The following TK2 variants were observed in gnomAD, a reference collection of about 807,000 sequenced individuals.
TK2 encodes the protein thymidine kinase 2, mitochondrial.
Under a neutral mutation model 41.9 loss-of-function variants are expected in TK2, and 35 were observed. The ratio of observed to expected loss-of-function variants is 0.84; its 90% confidence interval spans 0.64 to 1.11. The LOEUF (loss-of-function observed/expected upper bound fraction) is 1.11. Ranked by LOEUF, TK2 falls within the 50% of genes least tolerant of loss-of-function variation. TK2 has a pLI of 0.00. For missense variants in TK2, 320 were observed against 351.1 expected, an observed-to-expected ratio of 0.91 and a Z score of 0.71; for synonymous variants, 128 against 129.1, an observed-to-expected ratio of 0.99 and a Z score of 0.06.
chr16:66,508,608 A>G lies in TK2; in HGVS notation c.*3360T>C, dbSNP rs1241774824. On this transcript the variant is annotated 3_prime_UTR_variant, in exon 10 of 10. Coordinates refer to ENST00000544898, the MANE Select transcript of TK2 (RefSeq NM_004614.5). ...GGAAAAAAGAAGTGATTCAGATTCC[A>G]TAGCACCCTGTGGGTAGACAGGTTT... is the stretch of plus-strand genomic sequence containing the variant. The G allele has an allele frequency of 3.3e-5, 5 of 152,394 alleles. No individual in the cohort carries two copies. 9.4% of individuals were successfully genotyped at this position (152,394 alleles called of 1,614,324 possible).
Position 66,517,291 on chromosome 16 carries a change from G to T in TK2, c.539-76C>A. On this transcript the variant is annotated intron_variant, in intron 7 of 9. Coordinates refer to ENST00000544898, the MANE Select transcript of TK2 (RefSeq NM_004614.5). The surrounding 1 kb of genome is among the most constrained non-coding windows in gnomAD (Gnocchi z 4.3). ...GCAAAGCAGGCACACAGGCAAAGGC[G>T]GGAGGAAGGTCTGCACAGCTCGAGC... 2 of 1,282,996 alleles carry T rather than the reference G, an allele frequency of 1.6e-6. No homozygotes were observed. The highest frequency in any genetic ancestry group is 1.5e-5 in the African/African-American group (1 of 68,406). 79.5% of individuals were successfully genotyped at this position (1,282,996 alleles called of 1,614,324 possible). A position where few individuals can be genotyped will look rare whatever the true frequency, so the allele number is the denominator to read the frequency against.
chr16:66,514,443 T>C lies in TK2; in HGVS notation c.619-632A>G, dbSNP rs1487129932. The stretch of plus-strand genomic sequence containing the variant: ...GTGCTCAATGTTGCCCAGGCTGGAG[T>C]GCAGTGGCGTGATCTCGGCTCGCTA... On this transcript the variant is annotated intron_variant, in intron 8 of 9. Coordinates refer to ENST00000544898, the MANE Select transcript of TK2 (RefSeq NM_004614.5). This position sits in a 1 kb window ranked among gnomAD's most constrained non-coding sequence, Gnocchi z 4.2. Among the ~76,000 whole-genome samples, 3 of 152,164 alleles carry C rather than the reference T, an allele frequency of 2.0e-5. No homozygotes were observed. The highest frequency in any genetic ancestry group is 7.2e-5 in the African/African-American group (3 of 41,446).
intron 3 of TK2, among the ~76,000 whole-genome samples, chr16:66,540,042 C>T (rs1435656673): frequency 6.6e-6 from 1 of 152,218 alleles, no homozygotes; most frequent in Non-Finnish European, 1.5e-5. Flanking sequence ...TTCTAAAGGG[C>T]AGCAGTCTTA....
chr16:66,546,817 T>C (rs948774278), intron 2 of TK2, among the ~76,000 whole-genome samples: 5 of 151,524 alleles, frequency 3.3e-5, no homozygotes, highest in Non-Finnish European at 7.4e-5. Context: ...AGCAATGCAA[T>C]AACAGCTCAC....
intron 3 of TK2, among the ~76,000 whole-genome samples, chr16:66,537,723 G>C (rs72790407): frequency 7.9e-5 from 12 of 152,206 alleles, no homozygotes; most frequent in African/African-American, 2.7e-4. Context: ...GGGTATGCAG[G>C]TGTGTGCTAG....
chr16:66,544,883 T>C (rs1220609917), intron 2 of TK2, among the ~76,000 whole-genome samples: 1 of 152,062 alleles, frequency 6.6e-6, no homozygotes, highest in Non-Finnish European at 1.5e-5. Flanking sequence ...GGTCAGGAGA[T>C]CAAGACCAGC....
chr16:66,538,866 TGGGCTGGGATCTGGCTGTATCC>T (rs1178925113), intron 3 of TK2, among the ~76,000 whole-genome samples: 10 of 152,240 alleles, frequency 6.6e-5, no homozygotes, highest in South Asian at 2.1e-4. Flanking sequence ...CCAGACAGCC[TGGGCTGGGATCTGGCTGTATCC>T]GGGCTGGGAT....
In TK2 at chr16:66,550,119, G is replaced by T; in HGVS notation, c.-58C>A. ...CCTTCTTGTGCGAGTCGGCGCGGAC[G>T]ACTGCTAGTCCAGCCGTTGGGCGCC... On this transcript the variant is annotated 5_prime_UTR_variant, in exon 1 of 10. Transcript: ENST00000544898. The T allele has an allele frequency of 1.2e-6, 2 of 1,611,312 alleles. No individual in the cohort carries two copies. The highest frequency in any genetic ancestry group is 1.7e-6 in the Non-Finnish European group (2 of 1,179,584).
intron 5 of TK2, among the ~76,000 whole-genome samples, chr16:66,530,878 C>T (rs927239838): frequency 2.0e-5 from 3 of 152,036 alleles, no homozygotes; most frequent in South Asian, 2.1e-4. Context: ...CATACCACCA[C>T]GCCAGACTAA....
intron 3 of TK2, among the ~76,000 whole-genome samples, chr16:66,538,174 G>C (rs1272110971): frequency 2.0e-5 from 3 of 151,902 alleles, no homozygotes; most frequent in Admixed American, 2.0e-4. Flanking sequence ...AAAAAGAAAA[G>C]AAAAGTAATC....
At chr16:66,535,954 C>T (rs996529967) in intron 4 of TK2, among the ~76,000 whole-genome samples, 24 of 152,152 alleles carry the variant, frequency 1.6e-4, no homozygotes, top group African/African-American at 5.8e-4. Context: ...CCCGTAATCC[C>T]AGCACTTTGG....
At chr16:66,542,025 G>A (rs1045003147) in intron 2 of TK2, 72 bp from the exon 3 acceptor site, 12 of 1,505,540 alleles carry the variant, frequency 8.0e-6, no homozygotes, top group South Asian at 3.4e-5. Context: ...TAATGGCTAC[G>A]GAAAGGGCTC....
chr16:66,513,831 A>G lies in TK2; in HGVS notation c.619-20T>C, dbSNP rs1964524418. 1 of 1,612,864 alleles carries G rather than the reference A, an allele frequency of 6.2e-7. No individual in the cohort carries two copies. The highest frequency in any genetic ancestry group is 8.5e-7 in the Non-Finnish European group (1 of 1,179,198). On this transcript the variant is annotated intron_variant, in intron 8 of 9. Transcript: ENST00000544898. ...GTATTCCTGCCAGGGAAACACAAGC[A>G]GTCTGTCGGGAGTGGACAGAGCAGA...
At chr16:66,521,823 G>C (rs1018471405) in intron 6 of TK2, among the ~76,000 whole-genome samples, 2 of 152,166 alleles carry the variant, frequency 1.3e-5, no homozygotes, top group Admixed American at 6.5e-5. Flanking sequence ...ACTCAACAGT[G>C]GGCATGGGGG....
Position 66,511,431 on chromosome 16 carries a change from C to T in TK2, c.*537G>A, listed in dbSNP as rs1964446742. On this transcript the variant is annotated 3_prime_UTR_variant, in exon 10 of 10. Coordinates refer to ENST00000544898, the MANE Select transcript of TK2 (RefSeq NM_004614.5). ...GAGCCTCCAACCGGAAGAGGCAGGG[C>T]GGTGGGGAACAGCTCTCAGGAGGAG... is the stretch of plus-strand genomic sequence containing the variant. The T allele has an allele frequency of 4.8e-6, 1 of 207,968 alleles. No individual in the cohort carries two copies. The highest frequency in any genetic ancestry group is 7.6e-5 in the South Asian group (1 of 13,072). The allele number at this position is 207,968 out of a possible 1,614,324, so 12.9% of individuals were successfully genotyped here.
At position 66,550,108 on chromosome 16, in the gene TK2, T is replaced by G. The variant is rs868812856; in HGVS notation, c.-47A>C. The G allele has an allele frequency of 1.6e-5, 25 of 1,609,384 alleles. No homozygotes were observed. Among genetic ancestry groups the G allele is most frequent in the Non-Finnish European group, 2.0e-5 (24 of 1,178,866 alleles). ...GGCCCGGGGTTCCTTCTTGTGCGAG[T>G]CGGCGCGGACGACTGCTAGTCCAGC... On this transcript the variant is annotated 5_prime_UTR_variant, in exon 1 of 10. Coordinates refer to ENST00000544898, the MANE Select transcript of TK2 (RefSeq NM_004614.5).
chr16:66,517,788 C>A lies in TK2; in HGVS notation c.538+1G>T. The stretch of plus-strand genomic sequence containing the variant: ...AGGGAGGTGGGAGGGGTGCATCTCA[C>A]CTATCAAATCAACAGACACGTCCAT... On this transcript the variant is annotated splice_donor_variant, in intron 7 of 9. Coordinates refer to ENST00000544898, the MANE Select transcript of TK2 (RefSeq NM_004614.5). LOFTEE classifies it high-confidence loss of function. This position sits in a 1 kb window ranked among gnomAD's most constrained non-coding sequence, Gnocchi z 4.3. 3.1e-6 allele frequency: 5 copies of A among 1,614,066 alleles called. No individual in the cohort carries two copies. The highest frequency in any genetic ancestry group is 4.2e-6 in the Non-Finnish European group (5 of 1,179,932).
chr16:66,521,891 C>G (rs1047858806), intron 6 of TK2, among the ~76,000 whole-genome samples: 1 of 152,244 alleles, frequency 6.6e-6, no homozygotes, highest in Non-Finnish European at 1.5e-5. Context: ...CACATGAATC[C>G]TGCTGTTACA....
intron 3 of TK2, among the ~76,000 whole-genome samples, chr16:66,537,516 C>T (rs1344737375): frequency 1.3e-5 from 2 of 152,204 alleles, no homozygotes; most frequent in African/African-American, 4.8e-5. Flanking sequence ...TTCTTTAGTA[C>T]GCTCCCTGTC....
Sources: allele counts gnomAD v4.1 joint callset (sites outside exome capture counted in the v4.1 genomes callset), GRCh38; gene constraint gnomAD v4.1.1; non-coding constraint Gnocchi (gnomAD v3.1); transcripts MANE v1.5; gene names NCBI Gene and HGNC (gene_info 2026-07-23, HGNC 2026-07-21).